NRG3: variants seen among roughly 807,000 people sequenced by gnomAD.
NRG3 encodes neuregulin 3.
NRG3 carries 31 observed loss-of-function variants against 66.9 expected under a neutral mutation model. The ratio of observed to expected loss-of-function variants is 0.46; its 90% confidence interval spans 0.35 to 0.63. NRG3 has a LOEUF of 0.63. NRG3 is among the 20% of genes least tolerant of loss of function. NRG3 has a pLI of 0.00. For missense variants in NRG3, 910 were observed against 878.9 expected (o/e 1.04, Z -0.45); for synonymous variants, 393 against 359.4 (o/e 1.09, Z -1.06).
chr10:82,893,355 A>C (rs902378647), intron 4 of NRG3, among the ~76,000 whole-genome samples: 2 of 152,230 alleles, frequency 1.3e-5, no homozygotes, highest in African/African-American at 4.8e-5. Flanking sequence ...TAATTCTTAG[A>C]ACTAGAAGTA....
At chr10:81,977,903 T>G (rs1453978668) in intron 1 of NRG3, among the ~76,000 whole-genome samples, 1 of 152,176 alleles carries the variant, frequency 6.6e-6, no homozygotes, top group East Asian at 1.9e-4. Context: ...TATTTTTTAT[T>G]TATACCTAAT....
At chr10:82,150,670 C>G (rs1213461030) in intron 1 of NRG3, among the ~76,000 whole-genome samples, 1 of 152,048 alleles carries the variant, frequency 6.6e-6, no homozygotes, top group Non-Finnish European at 1.5e-5. Flanking sequence ...ACCACAAACT[C>G]CAGAGCAGAG....
chr10:82,773,827 G>A (rs891858810), intron 3 of NRG3, among the ~76,000 whole-genome samples: 1 of 152,104 alleles, frequency 6.6e-6, no homozygotes, highest in African/African-American at 2.4e-5. Flanking sequence ...TGATTATAAT[G>A]TTAGCTGTGA....
chr10:82,954,390 A>G (rs1269596368), intron 5 of NRG3, among the ~76,000 whole-genome samples: 2 of 151,842 alleles, frequency 1.3e-5, no homozygotes, highest in Middle Eastern at 3.2e-3. Flanking sequence ...TGAGATCAAC[A>G]TCTCCTCCTG....
chr10:82,359,015 A>AGGG (rs2083956194), intron 2 of NRG3, 147 bp downstream of exon 2: 4 of 1,162,980 alleles, frequency 3.4e-6, no homozygotes, highest in Non-Finnish European at 4.8e-6. Context: ...TAATTTGGAA[A>AGGG]GGGCAAGGCT....
Position 81,875,450 on chromosome 10 carries a change from G to A in NRG3, c.110G>A (p.Gly37Asp). The A allele has an allele frequency of 1.6e-6, 2 of 1,219,586 alleles. No individual in the cohort carries two copies. Among genetic ancestry groups the A allele is most frequent in the Non-Finnish European group, 2.0e-6 (2 of 979,876 alleles). 75.5% of individuals were successfully genotyped at this position (1,219,586 alleles called of 1,614,324 possible). ...AAAAAAAAGG[G>D]PDGGGEGAAE... ...GCGGCGGCGGCAGCGGCGGGCGGGG[G>A]CCCGGACGGCGGCGGCGAAGGGGCG... is the stretch of plus-strand genomic sequence containing the variant. The change falls in exon 1 of 9, where the codon GGC becomes GAC. Residue 37 changes from glycine to aspartate, a missense_variant. Coordinates refer to ENST00000372141, the MANE Select transcript of NRG3 (RefSeq NM_001010848.4). This position sits in a 1 kb window ranked among gnomAD's most constrained non-coding sequence, Gnocchi z 5.3.
At chr10:82,375,656 G>A (rs1050699433) in intron 2 of NRG3, among the ~76,000 whole-genome samples, 4 of 152,144 alleles carry the variant, frequency 2.6e-5, no homozygotes, top group Non-Finnish European at 4.4e-5. Flanking sequence ...TCAAAGGGAC[G>A]ATTCTGATTA....
At chr10:82,835,483 A>C (rs1043691474) in intron 3 of NRG3, among the ~76,000 whole-genome samples, 1 of 152,204 alleles carries the variant, frequency 6.6e-6, no homozygotes, top group Non-Finnish European at 1.5e-5. Context: ...AACAAAGAGA[A>C]AGAGATGACC....
chr10:82,703,448 G>A (rs1459179274), intron 2 of NRG3, among the ~76,000 whole-genome samples: 1 of 152,048 alleles, frequency 6.6e-6, no homozygotes, highest in Non-Finnish European at 1.5e-5. Flanking sequence ...ACTGTTGGGG[G>A]AACAGACGAT....
At chr10:82,944,313 T>C (rs1848816812) in intron 4 of NRG3, among the ~76,000 whole-genome samples, 2 of 152,186 alleles carry the variant, frequency 1.3e-5, no homozygotes, top group African/African-American at 4.8e-5. Context: ...AGTCTTATGT[T>C]TTTGTTTGTT....
intron 1 of NRG3, among the ~76,000 whole-genome samples, chr10:81,949,144 A>G (rs1328701708): frequency 6.6e-6 from 1 of 152,132 alleles, no homozygotes; most frequent in Admixed American, 6.6e-5. Context: ...CACATGGCAG[A>G]TCTCAGGCTC....
At chr10:81,878,056 C>T (rs1841842833) in intron 1 of NRG3, 6 of 1,537,114 alleles carry the variant, frequency 3.9e-6, no homozygotes, top group Non-Finnish European at 5.2e-6. Context: ...AATTGATTTC[C>T]TTGTGTACCA....
chr10:82,157,226 G>A (rs1381144698), intron 1 of NRG3, among the ~76,000 whole-genome samples: 1 of 151,642 alleles, frequency 6.6e-6, no homozygotes, highest in Non-Finnish European at 1.5e-5. Flanking sequence ...AAAATTTAAG[G>A]CCAAATGTAA....
intron 4 of NRG3, among the ~76,000 whole-genome samples, chr10:82,922,978 C>T (rs574453825): frequency 6.6e-6 from 1 of 152,290 alleles, no homozygotes; most frequent in African/African-American, 2.4e-5. Flanking sequence ...TCCTAAACAT[C>T]TCTCAGAGTA....
intron 1 of NRG3, among the ~76,000 whole-genome samples, chr10:82,167,167 G>A (rs539357124): frequency 2.0e-5 from 3 of 151,638 alleles, no homozygotes; most frequent in South Asian, 4.2e-4. Context: ...TTATTTTTCT[G>A]CTTTTTTTGC....
chr10:82,472,538 G>C (rs370421792), intron 2 of NRG3, among the ~76,000 whole-genome samples: 2 of 152,140 alleles, frequency 1.3e-5, no homozygotes, highest in African/African-American at 4.8e-5. Context: ...ATCAAGCATC[G>C]CCGTTTTATG....
At chr10:82,419,367 A>G (rs2088885234) in intron 2 of NRG3, among the ~76,000 whole-genome samples, 1 of 152,178 alleles carries the variant, frequency 6.6e-6, no homozygotes, top group South Asian at 2.1e-4. Context: ...GGTCTTGCTT[A>G]GGTTTGGAAC....
At chr10:82,884,028 T>G (rs1436812211) in intron 4 of NRG3, among the ~76,000 whole-genome samples, 2 of 152,130 alleles carry the variant, frequency 1.3e-5, no homozygotes, top group Non-Finnish European at 2.9e-5. Context: ...TGTATTTATA[T>G]TAAGTTTTCT....
chr10:82,920,404 A>T (rs1221014962), intron 4 of NRG3, among the ~76,000 whole-genome samples: 1 of 152,118 alleles, frequency 6.6e-6, no homozygotes, highest in Admixed American at 6.6e-5. Flanking sequence ...GTAGAGTTGG[A>T]TACAACAGCA....
Sources: gnomAD v4.1 joint callset for allele counts (sites outside exome capture counted in the v4.1 genomes callset) on GRCh38, gnomAD v4.1.1 for gene constraint, Gnocchi (gnomAD v3.1) non-coding constraint, MANE v1.5 for transcripts, NCBI Gene and HGNC (gene_info 2026-07-23, HGNC 2026-07-21) for gene names.